LONP2: variants seen among roughly 807,000 people sequenced by gnomAD.
LONP2 encodes lon protease homolog 2, peroxisomal.
LONP2 carries 60 observed loss-of-function variants against 85.6 expected under a neutral mutation model. The observed-to-expected ratio is 0.70, with a 90% CI of 0.57 to 0.87. The LOEUF is 0.87. Ranked by LOEUF, LONP2 falls within the 40% of genes least tolerant of loss-of-function variation. The pLI is 0.00. For missense variants in LONP2, 860 were observed against 1,063.5 expected, an observed-to-expected ratio of 0.81 and a Z score of 2.66; for synonymous variants, 395 against 389.7, an observed-to-expected ratio of 1.01 and a Z score of -0.16.
chr16:48,255,555 A>C (rs1363398973), intron 2 of LONP2, among the ~76,000 whole-genome samples: 1 of 152,186 alleles, frequency 6.6e-6, no homozygotes, highest in Non-Finnish European at 1.5e-5. Context: ...GTTTTTCTAA[A>C]AGTCATTCAC....
Position 48,362,400 on chromosome 16 carries a change from G to A in LONP2, c.*537G>A. ...TGGTGGACACTTCGAGGTACCGGTA[G>A]GTAATGCTGTAGCAGTCTGACGGCT... On this transcript the variant is annotated 3_prime_UTR_variant, in exon 5 of 5. Coordinates refer to the LONP2 transcript ENST00000565867. This position sits in a 1 kb window ranked among gnomAD's most constrained non-coding sequence, Gnocchi z 4.2. 1 of 1,614,132 alleles carries A rather than the reference G, an allele frequency of 6.2e-7. No individual in the cohort carries two copies. The highest frequency in any genetic ancestry group is 8.5e-7 in the Non-Finnish European group (1 of 1,179,998).
At chr16:48,306,113 C>T (rs1037614220) in intron 11 of LONP2, among the ~76,000 whole-genome samples, 2 of 152,168 alleles carry the variant, frequency 1.3e-5, no homozygotes, top group South Asian at 2.1e-4. Context: ...GCTGTGATCT[C>T]AAGCAACTGA....
Position 48,348,229 on chromosome 16 carries a change from G to A in LONP2, c.2276G>A (p.Arg759Gln), listed in dbSNP as rs199759503. 61 of 1,611,514 alleles carry A rather than the reference G, an allele frequency of 3.8e-5. No homozygotes were observed. In the East Asian group the frequency reaches 8.7e-4, roughly 23 times the overall value. Reference sequence around the variant, plus strand: ...TGTCTCGCCTCACTTTTTAGTGGGCGGCTGGTACGTTCAGATGTAGCCATG... The same window carrying A: ...TGTCTCGCCTCACTTTTTAGTGGGCAGCTGGTACGTTCAGATGTAGCCATG... ...VTCLASLFSG[R>Q]LVRSDVAMTG... Residue 759 changes from arginine (R) to glutamine (Q), a missense_variant, in exon 14 of 15, where the codon CGG becomes CAG. Arg to Gln is a conservative substitution (Grantham distance 43). Transcript: ENST00000285737.
Position 48,353,638 on chromosome 16 carries a change from G to T in LONP2, c.*1836G>T, listed in dbSNP as rs1960228356. On this transcript the variant is annotated 3_prime_UTR_variant, in exon 15 of 15. Transcript: ENST00000285737. ...GGCAGTTGGAGAGAAAGAACATCGG[G>T]ATGTTTGAAAATATGCCATTGACTA... 6.6e-6 allele frequency: 1 copy of T among 152,104 alleles called. No individual in the cohort carries two copies. The highest frequency in any genetic ancestry group is 2.1e-4 in the South Asian group (1 of 4,822). The allele number at this position is 152,104 out of a possible 1,614,324, so 9.4% of individuals were successfully genotyped here.
chr16:48,297,560 T>A (rs1441732322), intron 9 of LONP2, among the ~76,000 whole-genome samples: 1 of 152,230 alleles, frequency 6.6e-6, no homozygotes, highest in African/African-American at 2.4e-5. Context: ...TTCACCCGCC[T>A]CAGCCTCCAA....
intron 12 of LONP2, among the ~76,000 whole-genome samples, chr16:48,336,838 G>A (rs541522048): frequency 6.6e-6 from 1 of 152,266 alleles, no homozygotes; most frequent in South Asian, 2.1e-4. Context: ...GCTTAGCTTG[G>A]GCTCAGAGGC....
intron 11 of LONP2, among the ~76,000 whole-genome samples, chr16:48,331,550 G>A (rs957025596): frequency 6.6e-6 from 1 of 151,874 alleles, no homozygotes; most frequent in African/African-American, 2.4e-5. Context: ...GCTCTTTGCC[G>A]TCTCCAAAGG....
chr16:48,266,054 A>T (rs1971982424), intron 6 of LONP2, among the ~76,000 whole-genome samples: 1 of 152,028 alleles, frequency 6.6e-6, no homozygotes, highest in Non-Finnish European at 1.5e-5. Flanking sequence ...CCCAGGCTGG[A>T]GTGCAGTGGC....
intron 12 of LONP2, among the ~76,000 whole-genome samples, chr16:48,335,942 T>C (rs1322199641): frequency 6.6e-6 from 1 of 152,224 alleles, no homozygotes; most frequent in Non-Finnish European, 1.5e-5. Context: ...AAAACATTGT[T>C]GATTGAGAAA....
At chr16:48,337,269 T>G (rs1234603208) in intron 12 of LONP2, among the ~76,000 whole-genome samples, 1 of 152,192 alleles carries the variant, frequency 6.6e-6, no homozygotes, top group Non-Finnish European at 1.5e-5. Flanking sequence ...GTGGCAGTGA[T>G]GTATGAGAGT....
At chr16:48,257,287 G>A (rs1971780249) in intron 3 of LONP2, among the ~76,000 whole-genome samples, 1 of 151,880 alleles carries the variant, frequency 6.6e-6, no homozygotes, top group Non-Finnish European at 1.5e-5. Flanking sequence ...CTCCAGCCTG[G>A]GCAACAGAGA....
chr16:48,344,312 A>G (rs768742419), intron 12 of LONP2: 1 of 152,214 alleles, frequency 6.6e-6, no homozygotes, highest in African/African-American at 2.4e-5. Context: ...TGCTTCTTAG[A>G]TAACTACTGT....
intron 1 of LONP2, chr16:48,247,554 C>T (rs985619234): frequency 1.3e-5 from 2 of 152,264 alleles, no homozygotes; most frequent in Non-Finnish European, 2.9e-5. Context: ...ATGTTGCCTG[C>T]AGGAGCCTTT....
intron 6 of LONP2, among the ~76,000 whole-genome samples, chr16:48,268,986 C>T (rs567540113): frequency 6.6e-6 from 1 of 152,288 alleles, no homozygotes; most frequent in Non-Finnish European, 1.5e-5. Context: ...CCAGCATGAT[C>T]AGGTGGCTGT....
intron 7 of LONP2, among the ~76,000 whole-genome samples, chr16:48,276,710 T>G (rs1233604748): frequency 6.6e-6 from 1 of 152,222 alleles, no homozygotes; most frequent in Non-Finnish European, 1.5e-5. Flanking sequence ...ATGGGATGAA[T>G]ACAGTTTTGT....
intron 8 of LONP2, among the ~76,000 whole-genome samples, chr16:48,291,452 AATT>A (rs1972555338): frequency 6.6e-6 from 1 of 152,220 alleles, no homozygotes; most frequent in South Asian, 2.1e-4. Flanking sequence ...TCTTGTCAGA[AATT>A]ATTATTGAAG....
intron 11 of LONP2, among the ~76,000 whole-genome samples, chr16:48,306,761 G>A (rs1251851983): frequency 6.6e-6 from 1 of 152,048 alleles, no homozygotes; most frequent in Non-Finnish European, 1.5e-5. Flanking sequence ...TCTATGTTAG[G>A]TTTTCATAGC....
intron 12 of LONP2, among the ~76,000 whole-genome samples, chr16:48,341,348 T>C (rs1488099255): frequency 6.6e-6 from 1 of 152,112 alleles, no homozygotes; most frequent in Non-Finnish European, 1.5e-5. Context: ...CATCAGCTTC[T>C]GGGGAGGCCT....
At position 48,355,815 on chromosome 16, in the gene LONP2, A is replaced by AT. The variant is rs987683219; in HGVS notation, c.*4020dup. ...GACCCCTTGTATCAAAATAAGCTGGATTTTTTTATTGAAAATTATTAACTC... is the reference window on the plus strand; with the variant it reads ...GACCCCTTGTATCAAAATAAGCTGGATTTTTTTTATTGAAAATTATTAACTC... On this transcript the variant is annotated 3_prime_UTR_variant, in exon 15 of 15. Transcript: ENST00000285737. 4 of 152,210 alleles carry AT rather than the reference A, an allele frequency of 2.6e-5. No homozygotes were observed. Among genetic ancestry groups the AT allele is most frequent in the African/African-American group, 4.8e-5 (2 of 41,454 alleles). The allele number at this position is 152,210 out of a possible 1,614,324, so 9.4% of individuals were successfully genotyped here. A position where few individuals can be genotyped will look rare whatever the true frequency, so the allele number is the denominator to read the frequency against.
Sources: allele counts gnomAD v4.1 joint callset (sites outside exome capture counted in the v4.1 genomes callset), GRCh38; gene constraint gnomAD v4.1.1; non-coding constraint Gnocchi (gnomAD v3.1); transcripts MANE v1.5; gene names NCBI Gene and HGNC (gene_info 2026-07-23, HGNC 2026-07-21).